The following RELN variants were observed in gnomAD, a reference collection of about 807,000 sequenced individuals.
RELN encodes the protein reelin.
Under a neutral mutation model 427.6 loss-of-function variants are expected in RELN, and 108 were observed. The ratio of observed to expected loss-of-function variants is 0.25; its 90% confidence interval spans 0.22 to 0.30. The LOEUF is 0.30. RELN is among the 10% of genes least tolerant of loss of function. The probability of loss-of-function intolerance (pLI) is 1.00; values close to 1 mark genes in which losing one functional copy is unlikely to be tolerated. For synonymous variants in RELN, 1,524 were observed against 1,513.4 expected (o/e 1.01, Z -0.16); for missense variants, 3,715 against 4,302.8 (o/e 0.86, Z 3.82).
At chr7:103,798,165 T>C (rs1424882902) in intron 3 of RELN, among the ~76,000 whole-genome samples, 1 of 152,160 alleles carries the variant, frequency 6.6e-6, no homozygotes, top group African/African-American at 2.4e-5. Flanking sequence ...AGCAGTTATG[T>C]TACTGAATAT....
intron 4 of RELN, among the ~76,000 whole-genome samples, chr7:103,766,071 C>A (rs1791418338): frequency 6.6e-6 from 1 of 152,170 alleles, no homozygotes; most frequent in Non-Finnish European, 1.5e-5. Context: ...TACTTTCTGC[C>A]TGCCATAGCC....
intron 1 of RELN, among the ~76,000 whole-genome samples, chr7:103,967,012 G>A (rs1313359594): frequency 1.3e-5 from 2 of 152,148 alleles, no homozygotes; most frequent in African/African-American, 4.8e-5. Context: ...ACTTCCCTGT[G>A]ACCTTTTGCA....
intron 27 of RELN, 81 bp from the exon 28 acceptor site, chr7:103,589,909 G>A (rs1831371068): frequency 2.6e-5 from 22 of 854,798 alleles, no homozygotes; most frequent in South Asian, 2.3e-4. Context: ...CAGCATCCAG[G>A]GTGCCTTCCA....
In RELN at chr7:103,760,226, C is replaced by T. The variant is rs138429211; in HGVS notation, c.545-7012G>A. ...TCCTCCCATCATCAATTCAGTTTGT[C>T]CAGGAGACAAATCACATGCTAAAAG... On this transcript the variant is annotated intron_variant, in intron 4 of 64. Transcript: ENST00000428762. 1.5e-3 allele frequency among the ~76,000 whole-genome samples: 232 copies of T among 151,128 alleles called. 1 individual carries two copies. Among genetic ancestry groups the T allele is most frequent in the African/African-American group, 5.3e-3 (216 of 40,996 alleles).
At chr7:103,538,105 CTAATCT>C (rs1830096294) in intron 45 of RELN, among the ~76,000 whole-genome samples, 2 of 152,226 alleles carry the variant, frequency 1.3e-5, no homozygotes, top group Non-Finnish European at 2.9e-5. Context: ...TCCCCACTGA[CTAATCT>C]AATCTTGACT....
chr7:103,709,328 T>C (rs1474378806), intron 8 of RELN, among the ~76,000 whole-genome samples: 4 of 152,312 alleles, frequency 2.6e-5, no homozygotes, highest in South Asian at 2.1e-4. Context: ...TGTTCCTCTG[T>C]TTAATATCTT....
chr7:103,793,809 C>T (rs1490523318), intron 3 of RELN, among the ~76,000 whole-genome samples: 1 of 152,168 alleles, frequency 6.6e-6, no homozygotes, highest in Non-Finnish European at 1.5e-5. Context: ...CTTTGTCACC[C>T]AGGCTAAAGT....
At chr7:103,929,791 G>A (rs1795821147) in intron 1 of RELN, among the ~76,000 whole-genome samples, 1 of 152,200 alleles carries the variant, frequency 6.6e-6, no homozygotes, top group Non-Finnish European at 1.5e-5. Context: ...CAATAGGAGA[G>A]CTGAGACAAG....
At chr7:103,811,152 T>C (rs1487220884) in intron 3 of RELN, among the ~76,000 whole-genome samples, 1 of 152,222 alleles carries the variant, frequency 6.6e-6, no homozygotes, top group Non-Finnish European at 1.5e-5. Context: ...TATACGAAAA[T>C]TACAAATGAT....
At chr7:103,836,973 G>A (rs1303024532) in intron 2 of RELN, among the ~76,000 whole-genome samples, 1 of 151,898 alleles carries the variant, frequency 6.6e-6, no homozygotes, top group African/African-American at 2.4e-5. Flanking sequence ...TTTGGCCTTT[G>A]GTCTCTTGCT....
intron 3 of RELN, among the ~76,000 whole-genome samples, chr7:103,777,552 T>C (rs2299381): frequency 0.41 from 61,996 of 151,986 alleles, 12,812 homozygotes; most frequent in Middle Eastern, 0.51. Context: ...TACAAGGCAC[T>C]GTACTAGCTC....
At chr7:103,874,418 T>A (rs1794427098) in intron 2 of RELN, among the ~76,000 whole-genome samples, 1 of 142,778 alleles carries the variant, frequency 7.0e-6, no homozygotes. Context: ...AGTCAAATTG[T>A]CCCTGTTTGC....
Position 103,545,351 on chromosome 7 carries a change from A to G in RELN, c.6303-7T>C, listed in dbSNP as rs2117140163. ...CCATCTGAAACGGACAGATCTGGAA[A>G]AGAGGACAAGTCTTTCAAAAGCTAA... On this transcript the variant is annotated splice_polypyrimidine_tract_variant and splice_region_variant and intron_variant, in intron 41 of 64. Coordinates refer to ENST00000428762, the MANE Select transcript of RELN (RefSeq NM_005045.4). 1.3e-6 allele frequency: 2 copies of G among 1,597,506 alleles called. No homozygotes were observed. Among genetic ancestry groups the G allele is most frequent in the Non-Finnish European group, 1.7e-6 (2 of 1,165,062 alleles).
At chr7:103,663,443 C>T (rs1833188210) in intron 11 of RELN, among the ~76,000 whole-genome samples, 1 of 152,170 alleles carries the variant, frequency 6.6e-6, no homozygotes, top group Admixed American at 6.6e-5. Flanking sequence ...CCTCACTTTC[C>T]TCTGCTTTCT....
At chr7:103,941,584 T>C (rs1004033378) in intron 1 of RELN, among the ~76,000 whole-genome samples, 1 of 152,236 alleles carries the variant, frequency 6.6e-6, no homozygotes, top group Non-Finnish European at 1.5e-5. Flanking sequence ...ATAAATTTAA[T>C]GTCTACTCAT....
Position 103,951,768 on chromosome 7 carries a change from G to C in RELN, c.227-34583C>G, listed in dbSNP as rs146754945. Among the ~76,000 whole-genome samples the C allele has an allele frequency of 4.6e-3, 695 of 152,106 alleles. 5 individuals carry two copies. Among genetic ancestry groups the C allele is most frequent in the African/African-American group, 0.016 (671 of 41,474 alleles). On this transcript the variant is annotated intron_variant, in intron 1 of 64. Coordinates refer to ENST00000428762, the MANE Select transcript of RELN (RefSeq NM_005045.4). ...GCTCACTGCAATCTCCACCTCCCAG[G>C]TTCAAGCAATTCTTGTGCCTCAGCC...
chr7:103,710,266 G>T (rs1473027291), intron 8 of RELN, among the ~76,000 whole-genome samples: 1 of 152,178 alleles, frequency 6.6e-6, no homozygotes, highest in African/African-American at 2.4e-5. Context: ...TCATCACGTT[G>T]CCCCTCATGT....
chr7:103,619,833 C>G (rs961212687), intron 20 of RELN, among the ~76,000 whole-genome samples: 1 of 151,948 alleles, frequency 6.6e-6, no homozygotes, highest in African/African-American at 2.4e-5. Flanking sequence ...GTGGTGCCCG[C>G]CCATCTTTTG....
chr7:103,975,518 TTTATTTATTTA>T (rs1563120298), intron 1 of RELN, among the ~76,000 whole-genome samples: 24 of 143,268 alleles, frequency 1.7e-4, no homozygotes, highest in East Asian at 4.1e-4. Flanking sequence ...TGGAGCAGTA[TTTATTTATTTA>T]TTTATTTATT....
Sources: gnomAD v4.1 joint callset for allele counts (sites outside exome capture counted in the v4.1 genomes callset) on GRCh38, gnomAD v4.1.1 for gene constraint, MANE v1.5 for transcripts, NCBI Gene and HGNC (gene_info 2026-07-23, HGNC 2026-07-21) for gene names.